NBAS: variants seen among roughly 807,000 people sequenced by gnomAD.
The protein encoded by NBAS is NBAS subunit of NRZ tethering complex, also known as NAG/BC035112 fusion.
A neutral mutation model predicts 302.5 loss-of-function variants in NBAS; 219 were observed. The observed-to-expected ratio is 0.72, with a 90% CI of 0.65 to 0.81. NBAS has a LOEUF of 0.81. Ranked by LOEUF, NBAS falls within the 30% of genes least tolerant of loss-of-function variation. The probability of loss-of-function intolerance (pLI) is 0.00; values close to 1 mark genes in which losing one functional copy is unlikely to be tolerated. For missense variants in NBAS, 2,932 were observed against 2,841.6 expected (o/e 1.03, Z -0.72); for synonymous variants, 1,118 against 1,021.6 (o/e 1.09, Z -1.80).
intron 44 of NBAS, among the ~76,000 whole-genome samples, chr2:15,271,456 TG>T (rs1378621256): frequency 3.3e-5 from 5 of 151,910 alleles, no homozygotes; most frequent in African/African-American, 1.2e-4. Flanking sequence ...TCACAAACGG[TG>T]GGAGTTGGAA....
At chr2:15,203,560 C>T (rs938463317) in intron 48 of NBAS, among the ~76,000 whole-genome samples, 1 of 152,136 alleles carries the variant, frequency 6.6e-6, no homozygotes, top group African/African-American at 2.4e-5. Context: ...TGAATTATGT[C>T]TACCTATATT....
chr2:14,935,408 A>G, the NBAS span, among the ~76,000 whole-genome samples: 3 of 152,336 alleles, frequency 2.0e-5, no homozygotes, highest in South Asian at 6.2e-4. Context: ...GCTGACAAAT[A>G]TAAAGATAAC....
chr2:15,128,586 C>G, the NBAS span, among the ~76,000 whole-genome samples: 5 of 152,108 alleles, frequency 3.3e-5, no homozygotes, highest in African/African-American at 1.2e-4. Context: ...TAGGGGAGAT[C>G]AGGGTGTGCC....
At chr2:14,999,112 G>C in the NBAS span, among the ~76,000 whole-genome samples, 1 of 152,024 alleles carries the variant, frequency 6.6e-6, no homozygotes, top group Non-Finnish European at 1.5e-5. Flanking sequence ...CCAGAAAGAA[G>C]GGGGAGCAAA....
the NBAS span, among the ~76,000 whole-genome samples, chr2:14,980,347 C>G: frequency 6.6e-6 from 1 of 152,006 alleles, no homozygotes; most frequent in South Asian, 2.1e-4. Context: ...AAAAAACAAG[C>G]AGAGCTCAGG....
the NBAS span, among the ~76,000 whole-genome samples, chr2:14,860,176 T>A: frequency 6.6e-6 from 1 of 151,984 alleles, no homozygotes; most frequent in Non-Finnish European, 1.5e-5. Context: ...ATCGCTTTTA[T>A]CAAAAAGGAT....
At chr2:14,964,876 G>T in the NBAS span, among the ~76,000 whole-genome samples, 1 of 151,960 alleles carries the variant, frequency 6.6e-6, no homozygotes, top group Non-Finnish European at 1.5e-5. Flanking sequence ...AATTAGCAAC[G>T]GAAGAATCTC....
chr2:15,028,613 C>G, the NBAS span, among the ~76,000 whole-genome samples: 7 of 152,204 alleles, frequency 4.6e-5, no homozygotes. Context: ...CTGTGTTCCT[C>G]TGATGTCATC....
At chr2:15,453,158 AC>A (rs75382221) in intron 21 of NBAS, among the ~76,000 whole-genome samples, 1,931 of 152,196 alleles carry the variant, frequency 0.013, 32 homozygotes, top group East Asian at 0.06. Flanking sequence ...ACTTCTGGAG[AC>A]CCTGAATTTC....
the NBAS span, among the ~76,000 whole-genome samples, chr2:15,053,977 G>C: frequency 2.2e-4 from 34 of 151,444 alleles, no homozygotes; most frequent in Non-Finnish European, 4.1e-4. Context: ...CTAGCCACTA[G>C]ATTTTTGAGG....
chr2:14,809,505 A>G, the NBAS span, among the ~76,000 whole-genome samples: 1 of 152,204 alleles, frequency 6.6e-6, no homozygotes, highest in Non-Finnish European at 1.5e-5. Flanking sequence ...CTGTGGGTGC[A>G]CAGAAGTCAA....
At chr2:15,508,012 C>T (rs1661954410) in intron 10 of NBAS, among the ~76,000 whole-genome samples, 5 of 151,964 alleles carry the variant, frequency 3.3e-5, no homozygotes, top group South Asian at 2.1e-4. Flanking sequence ...AGAGGAGGTT[C>T]GATGAGAACA....
At chr2:15,338,458 G>C (rs892904288) in intron 35 of NBAS, among the ~76,000 whole-genome samples, 11 of 152,056 alleles carry the variant, frequency 7.2e-5, no homozygotes, top group Admixed American at 6.6e-4. Flanking sequence ...AGAAATACCT[G>C]TCAGAACAAG....
chr2:15,508,728 G>T (rs1391752735), intron 10 of NBAS, among the ~76,000 whole-genome samples: 1 of 152,130 alleles, frequency 6.6e-6, no homozygotes, highest in South Asian at 2.1e-4. Context: ...ACTTGGCCGG[G>T]CATGGTGGCT....
chr2:15,326,941 G>A (rs1312694592), intron 38 of NBAS, among the ~76,000 whole-genome samples: 2 of 152,108 alleles, frequency 1.3e-5, no homozygotes, highest in East Asian at 3.9e-4. Context: ...GGAATTAGCA[G>A]TTCTATTCCC....
At chr2:14,815,476 C>T in the NBAS span, among the ~76,000 whole-genome samples, 1 of 152,176 alleles carries the variant, frequency 6.6e-6, no homozygotes, top group African/African-American at 2.4e-5. Flanking sequence ...GGGAAAACAT[C>T]CGAAAGCTGT....
chr2:15,229,940 G>T (rs149676854), intron 47 of NBAS, among the ~76,000 whole-genome samples: 5 of 152,092 alleles, frequency 3.3e-5, no homozygotes, highest in Non-Finnish European at 7.4e-5. Flanking sequence ...TTGTGGGATA[G>T]TATATACATA....
At chr2:15,217,472 TA>T (rs1666704196) in intron 48 of NBAS, among the ~76,000 whole-genome samples, 1 of 152,260 alleles carries the variant, frequency 6.6e-6, no homozygotes, top group Non-Finnish European at 1.5e-5. Flanking sequence ...AAAAGGAATT[TA>T]TTGTTCTTTA....
the NBAS span, among the ~76,000 whole-genome samples, chr2:14,931,772 TTC>T: frequency 3.9e-5 from 6 of 152,162 alleles, no homozygotes; most frequent in Non-Finnish European, 8.8e-5. Flanking sequence ...GTGCATTTTG[TTC>T]TCTCTCCAAA....
Sources: gnomAD v4.1 joint callset for allele counts (sites outside exome capture counted in the v4.1 genomes callset) on GRCh38, gnomAD v4.1.1 for gene constraint, MANE v1.5 for transcripts, NCBI Gene and HGNC (gene_info 2026-07-23, HGNC 2026-07-21) for gene names.